The following DNAJC1 variants were observed in gnomAD, a reference collection of about 807,000 sequenced individuals.
The protein encoded by DNAJC1 is dnaJ homolog subfamily C member 1.
A neutral mutation model predicts 76.6 loss-of-function variants in DNAJC1; 58 were observed. The observed-to-expected ratio is 0.76, with a 90% CI of 0.61 to 0.94. DNAJC1 has a LOEUF of 0.94. Among genes scored for constraint, DNAJC1 ranks in the 40% least tolerant of loss-of-function variants. The pLI is 0.00. For missense variants in DNAJC1, 689 were observed against 677.3 expected, an observed-to-expected ratio of 1.02 and a Z score of -0.19; for synonymous variants, 258 against 267.9, an observed-to-expected ratio of 0.96 and a Z score of 0.36.
At chr10:21,802,867 C>T (rs1300351139) in intron 9 of DNAJC1, among the ~76,000 whole-genome samples, 12 of 151,960 alleles carry the variant, frequency 7.9e-5, no homozygotes, top group East Asian at 3.8e-4. Context: ...TTTTTGTTTC[C>T]GCTGTTATTT....
At chr10:21,811,544 C>T (rs1215141412) in intron 8 of DNAJC1, among the ~76,000 whole-genome samples, 2 of 152,106 alleles carry the variant, frequency 1.3e-5, no homozygotes, top group African/African-American at 2.4e-5. Flanking sequence ...AATGGTAAAA[C>T]CACAAATATT....
chr10:21,917,991 T>C (rs1354648316), intron 6 of DNAJC1, among the ~76,000 whole-genome samples: 1 of 151,926 alleles, frequency 6.6e-6, no homozygotes, highest in Non-Finnish European at 1.5e-5. Context: ...TATTATCTGG[T>C]CCTCTAGATT....
intron 7 of DNAJC1, among the ~76,000 whole-genome samples, chr10:21,896,292 T>C (rs978132631): frequency 1.3e-5 from 2 of 152,002 alleles, no homozygotes; most frequent in African/African-American, 4.8e-5. Flanking sequence ...AAAATTATAG[T>C]GCTGGGGTTG....
At chr10:21,826,593 A>C (rs1040499899) in intron 8 of DNAJC1, among the ~76,000 whole-genome samples, 3 of 152,218 alleles carry the variant, frequency 2.0e-5, no homozygotes, top group African/African-American at 7.2e-5. Flanking sequence ...AATGTCAAGA[A>C]GCTTTCCTTC....
chr10:21,829,688 T>C (rs1835324556), intron 8 of DNAJC1, among the ~76,000 whole-genome samples: 1 of 152,264 alleles, frequency 6.6e-6, no homozygotes, highest in Non-Finnish European at 1.5e-5. Context: ...GACATTATGC[T>C]TTAAATGTCT....
chr10:21,882,451 T>G lies in DNAJC1; in HGVS notation c.821-12A>C. Reference sequence around the variant, plus strand: ...AACTTTCTTCTGTTCTAAAAAATGTTTAAAAGAACCAATTATTGAGATTTT... The same window carrying G: ...AACTTTCTTCTGTTCTAAAAAATGTGTAAAAGAACCAATTATTGAGATTTT... On this transcript the variant is annotated splice_polypyrimidine_tract_variant and intron_variant, in intron 7 of 11. Transcript: ENST00000376980. The G allele has an allele frequency of 6.9e-7, 1 of 1,451,902 alleles. No individual in the cohort carries two copies. Among genetic ancestry groups the G allele is most frequent in the African/African-American group, 1.5e-5 (1 of 68,258 alleles). 89.9% of individuals were successfully genotyped at this position (1,451,902 alleles called of 1,614,324 possible).
At chr10:21,859,633 G>A (rs1590019102) in intron 8 of DNAJC1, among the ~76,000 whole-genome samples, 1 of 152,014 alleles carries the variant, frequency 6.6e-6, no homozygotes, top group Non-Finnish European at 1.5e-5. Flanking sequence ...TACATAGACA[G>A]AGGGGTTATA....
chr10:21,767,558 G>A (rs910591224), intron 9 of DNAJC1, among the ~76,000 whole-genome samples: 3 of 152,190 alleles, frequency 2.0e-5, no homozygotes, highest in Non-Finnish European at 4.4e-5. Flanking sequence ...GAGTAGCTGG[G>A]ACTACAGGCA....
intron 1 of DNAJC1, among the ~76,000 whole-genome samples, chr10:21,980,229 C>T (rs1484070540): frequency 2.0e-5 from 3 of 151,858 alleles, no homozygotes; most frequent in Non-Finnish European, 4.4e-5. Context: ...CTAGTTCTGT[C>T]CATTAAGAAG....
At chr10:21,802,793 T>G (rs1389262724) in intron 9 of DNAJC1, among the ~76,000 whole-genome samples, 1 of 152,136 alleles carries the variant, frequency 6.6e-6, no homozygotes, top group Non-Finnish European at 1.5e-5. Context: ...TGGGGCCCCC[T>G]GACCTTAATT....
intron 7 of DNAJC1, among the ~76,000 whole-genome samples, chr10:21,903,569 C>A (rs1044393358): frequency 3.3e-5 from 5 of 152,164 alleles, no homozygotes; most frequent in African/African-American, 4.8e-5. Flanking sequence ...ATATTCATGG[C>A]ATTACATGAA....
chr10:21,809,679 T>C (rs2131644405), intron 8 of DNAJC1, among the ~76,000 whole-genome samples: 1 of 152,134 alleles, frequency 6.6e-6, no homozygotes, highest in Admixed American at 6.5e-5. Flanking sequence ...TAATTATCTC[T>C]TACCCTCAAG....
chr10:21,771,037 G>C (rs1834370182), intron 9 of DNAJC1, among the ~76,000 whole-genome samples: 1 of 152,032 alleles, frequency 6.6e-6, no homozygotes, highest in South Asian at 2.1e-4. Flanking sequence ...ATTTATTCCT[G>C]AGTATTTTAT....
chr10:21,905,596 T>C (rs1395670820), intron 6 of DNAJC1, among the ~76,000 whole-genome samples: 4 of 152,198 alleles, frequency 2.6e-5, no homozygotes, highest in African/African-American at 9.6e-5. Flanking sequence ...AATTCTCCCT[T>C]GTACACTACT....
chr10:21,926,085 G>A (rs1837123125), intron 3 of DNAJC1, among the ~76,000 whole-genome samples: 1 of 152,176 alleles, frequency 6.6e-6, no homozygotes, highest in African/African-American at 2.4e-5. Flanking sequence ...CTGAGTAGCT[G>A]GGACTATAGG....
At chr10:21,767,169 C>T (rs1288376608) in intron 9 of DNAJC1, among the ~76,000 whole-genome samples, 1 of 151,990 alleles carries the variant, frequency 6.6e-6, no homozygotes, top group Non-Finnish European at 1.5e-5. Context: ...TGGAAGGGAA[C>T]CCTAAGAGCA....
In DNAJC1 at chr10:21,882,423, T is replaced by C. The variant is rs150979183; in HGVS notation, c.837A>G (p.Lys279=). ...ATACAGGAAATTCAGGTTTTGGTTT[T>C]TTAACTTTCTTCTGTTCTAAAAAAT... ...LETLQKQKKV[K]KPKPEFPVYT... The change falls in exon 8 of 12, where the codon AAA becomes AAG. Residue 279 remains lysine (K), a synonymous_variant. Coordinates refer to ENST00000376980, the MANE Select transcript of DNAJC1 (RefSeq NM_022365.4). 20 of 1,505,582 alleles carry C rather than the reference T, an allele frequency of 1.3e-5. No individual in the cohort carries two copies. In the Admixed American group the frequency reaches 3.2e-4, roughly 24 times the overall value. 93.3% of individuals were successfully genotyped at this position (1,505,582 alleles called of 1,614,324 possible). A position where few individuals can be genotyped will look rare whatever the true frequency, so the allele number is the denominator to read the frequency against.
rs370726736 is a variant in DNAJC1, at chr10:21,920,997, G to A, written c.372-34C>T. Reference sequence around the variant, plus strand: ...CAAATATAACAGTTTTTCACGGGGAGTTTAAAATAAAAACAAAAAAAACTA... The same window carrying A: ...CAAATATAACAGTTTTTCACGGGGAATTTAAAATAAAAACAAAAAAAACTA... On this transcript the variant is annotated intron_variant, in intron 3 of 11. Transcript: ENST00000376980. The A allele has an allele frequency of 3.4e-6, 5 of 1,481,790 alleles. No individual in the cohort carries two copies. In the South Asian group the frequency reaches 5.7e-5, roughly 17 times the overall value. 91.8% of individuals were successfully genotyped at this position (1,481,790 alleles called of 1,614,324 possible).
intron 1 of DNAJC1, among the ~76,000 whole-genome samples, chr10:21,929,665 A>G (rs1272531715): frequency 6.6e-6 from 1 of 152,202 alleles, no homozygotes; most frequent in Non-Finnish European, 1.5e-5. Context: ...GAGTTAAATT[A>G]GCATTTATCA....
Sources: gnomAD v4.1 joint callset for allele counts (sites outside exome capture counted in the v4.1 genomes callset) on GRCh38, gnomAD v4.1.1 for gene constraint, MANE v1.5 for transcripts, NCBI Gene and HGNC (gene_info 2026-07-23, HGNC 2026-07-21) for gene names.